Variants in QTGAL observed in about 807,000 individuals in gnomAD.
QTGAL encodes queuosine-tRNA galactosyltransferase, also known as BGnT-like protein 1.
chr17:83,010,001 T>TG, the QTGAL span, among the ~76,000 whole-genome samples: 4 of 106,660 alleles, frequency 3.8e-5, no homozygotes, highest in African/African-American at 7.1e-5. Context: ...GCCCCTGGTG[T>TG]TGGGGGGCTG....
chr17:82,966,206 C>T, the QTGAL span, among the ~76,000 whole-genome samples: 15 of 151,900 alleles, frequency 9.9e-5, no homozygotes, highest in East Asian at 1.9e-4. Flanking sequence ...CGCACACCAC[C>T]GTGCCTGGCT....
At chr17:83,013,915 C>G in the QTGAL span, among the ~76,000 whole-genome samples, 9 of 152,258 alleles carry the variant, frequency 5.9e-5, no homozygotes, top group African/African-American at 2.2e-4. Context: ...GCTGAGACAC[C>G]AGCTCCAGGG....
At chr17:82,991,832 G>A in the QTGAL span, among the ~76,000 whole-genome samples, 5 of 152,080 alleles carry the variant, frequency 3.3e-5, no homozygotes, top group South Asian at 4.2e-4. Context: ...GAAGGTATTC[G>A]GAATTCTATT....
the QTGAL span, among the ~76,000 whole-genome samples, chr17:82,993,640 T>C: frequency 6.6e-6 from 1 of 152,082 alleles, no homozygotes; most frequent in Non-Finnish European, 1.5e-5. Flanking sequence ...ATGGACCTAA[T>C]AGATATTTAC....
the QTGAL span, among the ~76,000 whole-genome samples, chr17:83,001,270 G>A: frequency 0.013 from 1,951 of 152,208 alleles, 43 homozygotes; most frequent in African/African-American, 0.045. Flanking sequence ...AGCAGAAGTC[G>A]GACTACTGAA....
chr17:82,956,648 A>G, the QTGAL span: 3 of 1,494,930 alleles, frequency 2.0e-6, no homozygotes, highest in South Asian at 1.3e-5. The surrounding 1 kb of genome is among the most constrained non-coding windows in gnomAD (Gnocchi z 5.7). Context: ...CAGGTGGCAG[A>G]GCCCGGGATC....
the QTGAL span, among the ~76,000 whole-genome samples, chr17:83,024,691 G>T: frequency 6.6e-6 from 1 of 152,266 alleles, no homozygotes; most frequent in East Asian, 1.9e-4. Context: ...GAAGCTGCGG[G>T]TTCCTGGTGT....
chr17:83,028,826 T>C, the QTGAL span, among the ~76,000 whole-genome samples: 2 of 152,116 alleles, frequency 1.3e-5, no homozygotes, highest in Admixed American at 6.5e-5. Context: ...ATGGCGTCTT[T>C]ATTCTAGTAA....
chr17:83,051,197 G>A, the QTGAL span, among the ~76,000 whole-genome samples: 1 of 149,366 alleles, frequency 6.7e-6, no homozygotes, highest in African/African-American at 2.5e-5. Flanking sequence ...GCGTGCAGGG[G>A]CAAGGCAGGT....
chr17:82,969,317 G>A, the QTGAL span, among the ~76,000 whole-genome samples: 2 of 74,992 alleles, frequency 2.7e-5, no homozygotes, highest in African/African-American at 6.6e-5. Flanking sequence ...GCACCACCAC[G>A]CCTGGCTGAT....
chr17:83,022,276 T>G, the QTGAL span, among the ~76,000 whole-genome samples: 1 of 149,130 alleles, frequency 6.7e-6, no homozygotes, highest in Non-Finnish European at 1.5e-5. Flanking sequence ...AGCTTAGCAC[T>G]GTCCCCGCCC....
At chr17:82,992,238 T>C in the QTGAL span, among the ~76,000 whole-genome samples, 1 of 152,112 alleles carries the variant, frequency 6.6e-6, no homozygotes, top group Non-Finnish European at 1.5e-5. Context: ...CAAAGAAGAC[T>C]ACCTCAAGGC....
the QTGAL span, chr17:83,014,353 A>G: frequency 7.6e-7 from 1 of 1,309,114 alleles, no homozygotes; most frequent in Admixed American, 2.0e-5. Context: ...CAGTCTCACC[A>G]TAGCCTGATT....
chr17:83,015,660 C>CCA, the QTGAL span, among the ~76,000 whole-genome samples: 2 of 152,238 alleles, frequency 1.3e-5, no homozygotes, highest in Non-Finnish European at 2.9e-5. This position sits in a 1 kb window ranked among gnomAD's most constrained non-coding sequence, Gnocchi z 4.4. Context: ...ATGGACCAGG[C>CCA]CACACAGCAG....
chr17:83,000,623 T>A, the QTGAL span, among the ~76,000 whole-genome samples: 2 of 152,366 alleles, frequency 1.3e-5, no homozygotes, highest in East Asian at 3.9e-4. Context: ...ATATATTTTA[T>A]GTACTCATGA....
chr17:82,992,460 C>A, the QTGAL span, among the ~76,000 whole-genome samples: 1 of 152,082 alleles, frequency 6.6e-6, no homozygotes, highest in East Asian at 1.9e-4. Context: ...AATAGTATAT[C>A]CAATGAAAAT....
the QTGAL span, among the ~76,000 whole-genome samples, chr17:82,958,922 AT>A: frequency 4.7e-5 from 1 of 21,080 alleles, no homozygotes; most frequent in African/African-American, 1.9e-4. Flanking sequence ...GTGGGGGTGT[AT>A]GGTGTGTGTG....
chr17:82,952,191 C>T, the QTGAL span, among the ~76,000 whole-genome samples: 5 of 152,286 alleles, frequency 3.3e-5, no homozygotes, highest in Non-Finnish European at 5.9e-5. Context: ...CATCACAGGC[C>T]GGGCAGTGTA....
the QTGAL span, among the ~76,000 whole-genome samples, chr17:82,966,629 G>T: frequency 6.6e-6 from 1 of 152,114 alleles, no homozygotes; most frequent in Non-Finnish European, 1.5e-5. Context: ...GGAACCACTG[G>T]TGTCCTTACA....
Sources: allele counts gnomAD v4.1 joint callset (sites outside exome capture counted in the v4.1 genomes callset), GRCh38; gene constraint gnomAD v4.1.1; non-coding constraint Gnocchi (gnomAD v3.1); transcripts MANE v1.5; gene names NCBI Gene and HGNC (gene_info 2026-07-23, HGNC 2026-07-21).